The following SYNDIG1 variants were observed in gnomAD, a reference collection of about 807,000 sequenced individuals.
SYNDIG1 encodes the protein synapse differentiation inducing 1.
Under a neutral mutation model 19.4 loss-of-function variants are expected in SYNDIG1, and 9 were observed. That is an observed-to-expected ratio of 0.46 (90% CI 0.28 to 0.81). SYNDIG1 has a LOEUF of 0.81. Ranked by LOEUF, SYNDIG1 falls within the 30% of genes least tolerant of loss-of-function variation. The pLI is 0.12. For missense variants in SYNDIG1, 311 were observed against 343.3 expected, an observed-to-expected ratio of 0.91 and a Z score of 0.74; for synonymous variants, 141 against 145.9, an observed-to-expected ratio of 0.97 and a Z score of 0.24.
At chr20:24,624,491 G>GAAGATTGTATCT (rs1368080923) in intron 3 of SYNDIG1, among the ~76,000 whole-genome samples, 2 of 152,132 alleles carry the variant, frequency 1.3e-5, no homozygotes, top group Non-Finnish European at 2.9e-5. Flanking sequence ...GATTATCTAA[G>GAAGATTGTATCT]AAGATACAAC....
chr20:24,495,506 T>C (rs1450634470), intron 1 of SYNDIG1: 1 of 152,326 alleles, frequency 6.6e-6, no homozygotes, highest in Non-Finnish European at 1.5e-5. Flanking sequence ...TAGCCTGTGG[T>C]CTGGGGCCAG....
At chr20:24,551,553 C>T (rs2057706647) in intron 2 of SYNDIG1, among the ~76,000 whole-genome samples, 1 of 149,838 alleles carries the variant, frequency 6.7e-6, no homozygotes, top group Admixed American at 6.6e-5. Flanking sequence ...TCTTTTTTAC[C>T]TATTTTTTTT....
chr20:24,619,903 G>C (rs75150465), intron 3 of SYNDIG1, among the ~76,000 whole-genome samples: 126 of 152,296 alleles, frequency 8.3e-4, no homozygotes, highest in African/African-American at 2.8e-3. Flanking sequence ...TCCAAGTTCA[G>C]ACCCTGCATG....
intron 1 of SYNDIG1, chr20:24,502,224 C>T (rs1257301679): frequency 1.3e-5 from 2 of 152,444 alleles, no homozygotes; most frequent in African/African-American, 2.4e-5. Context: ...CACTCAGATC[C>T]TCGTCGCAGG....
chr20:24,542,118 G>C (rs771877927), intron 1 of SYNDIG1, among the ~76,000 whole-genome samples: 2 of 152,084 alleles, frequency 1.3e-5, no homozygotes, highest in Non-Finnish European at 2.9e-5. Flanking sequence ...CACTAATTTT[G>C]ATCCCTTTCA....
chr20:24,624,529 C>T (rs1331785995), intron 3 of SYNDIG1, among the ~76,000 whole-genome samples: 1 of 152,022 alleles, frequency 6.6e-6, no homozygotes, highest in Non-Finnish European at 1.5e-5. Flanking sequence ...CTCCTAACCA[C>T]AAAGAGTCAA....
At chr20:24,615,731 T>A (rs906375080) in intron 3 of SYNDIG1, among the ~76,000 whole-genome samples, 37 of 152,142 alleles carry the variant, frequency 2.4e-4, no homozygotes, top group Non-Finnish European at 2.2e-4. Context: ...GTCTTTCATC[T>A]TCCACCTCCT....
intron 1 of SYNDIG1, among the ~76,000 whole-genome samples, chr20:24,535,010 T>C (rs1188408674): frequency 2.0e-5 from 3 of 152,338 alleles, no homozygotes; most frequent in Admixed American, 6.5e-5. Flanking sequence ...TTCACTTGCA[T>C]TGAGAGATGA....
chr20:24,591,914 A>G (rs2058517417), intron 3 of SYNDIG1, among the ~76,000 whole-genome samples: 1 of 152,186 alleles, frequency 6.6e-6, no homozygotes, highest in African/African-American at 2.4e-5. Flanking sequence ...TGCTTTTCAC[A>G]TTACAAATAC....
At chr20:24,470,713 A>G (rs1568749412) in intron 1 of SYNDIG1, among the ~76,000 whole-genome samples, 2 of 152,128 alleles carry the variant, frequency 1.3e-5, no homozygotes, top group Non-Finnish European at 2.9e-5. Flanking sequence ...AGGCGGCCAG[A>G]GGGGCCGCTT....
chr20:24,496,174 C>G (rs536778416), intron 1 of SYNDIG1, among the ~76,000 whole-genome samples: 1 of 152,284 alleles, frequency 6.6e-6, no homozygotes, highest in Non-Finnish European at 1.5e-5. Flanking sequence ...CTGGGGTTGA[C>G]TGCATGTTTC....
At chr20:24,536,758 C>A (rs539130308) in intron 1 of SYNDIG1, among the ~76,000 whole-genome samples, 6 of 152,286 alleles carry the variant, frequency 3.9e-5, no homozygotes, top group African/African-American at 1.4e-4. Context: ...ACCCTGTGAT[C>A]TGAGCTGCTG....
chr20:24,560,063 CTTTTTTTTTTTTT>C (rs60892856), intron 2 of SYNDIG1, among the ~76,000 whole-genome samples: 18 of 43,046 alleles, frequency 4.2e-4, no homozygotes, highest in East Asian at 1.0e-3. Flanking sequence ...CTCTCCTCTC[CTTTTTTTTTTTTT>C]TTTTTTTTTT....
chr20:24,608,378 C>T (rs2058795142), intron 3 of SYNDIG1, among the ~76,000 whole-genome samples: 1 of 152,076 alleles, frequency 6.6e-6, no homozygotes, highest in South Asian at 2.1e-4. Context: ...AGGGTTTCAT[C>T]ATGTTGGCCA....
At chr20:24,548,470 C>T (rs2057636173) in intron 2 of SYNDIG1, among the ~76,000 whole-genome samples, 1 of 152,206 alleles carries the variant, frequency 6.6e-6, no homozygotes. Flanking sequence ...GAGCACTTTA[C>T]ATATACCTCA....
intron 3 of SYNDIG1, among the ~76,000 whole-genome samples, chr20:24,641,320 G>A (rs1034767759): frequency 2.0e-4 from 30 of 152,224 alleles, no homozygotes; most frequent in Middle Eastern, 3.4e-3. Context: ...TGGAGAGTTG[G>A]GTAGATACAT....
At chr20:24,523,017 A>T (rs1377014228) in intron 1 of SYNDIG1, among the ~76,000 whole-genome samples, 1 of 152,112 alleles carries the variant, frequency 6.6e-6, no homozygotes, top group African/African-American at 2.4e-5. Flanking sequence ...TGGTGATCAC[A>T]TTTCAATATG....
At chr20:24,661,468 AGGGAGGGAAGAGGGAGGAAGAAG>A (rs2059592493) in intron 3 of SYNDIG1, among the ~76,000 whole-genome samples, 3 of 131,518 alleles carry the variant, frequency 2.3e-5, no homozygotes, top group Admixed American at 7.8e-5. Flanking sequence ...AGTAGGAAGG[AGGGAGGGAAGAGGGAGGAAGAAG>A]GGAGGGAGGG....
chr20:24,665,256 T>G (rs2059637124), intron 3 of SYNDIG1, 90 bp from the exon 4 acceptor site: 22 of 1,479,704 alleles, frequency 1.5e-5, no homozygotes, highest in Admixed American at 6.7e-5. Flanking sequence ...CAATGCCTTT[T>G]TCTGAATCAG....
Sources: allele counts gnomAD v4.1 joint callset (sites outside exome capture counted in the v4.1 genomes callset), GRCh38; gene constraint gnomAD v4.1.1; transcripts MANE v1.5; gene names NCBI Gene and HGNC (gene_info 2026-07-23, HGNC 2026-07-21).